LRRC43: variants seen among roughly 807,000 people sequenced by gnomAD.
The protein encoded by LRRC43 is leucine rich repeat containing 43, also known as leucine-rich repeat-containing protein 43.
A neutral mutation model predicts 64.3 loss-of-function variants in LRRC43; 62 were observed. The ratio of observed to expected loss-of-function variants is 0.96; its 90% CI spans 0.79 to 1.19. The LOEUF (loss-of-function observed/expected upper bound fraction) is 1.19. LRRC43 is among the 50% of genes most tolerant of loss of function. The pLI is 0.00. For missense variants in LRRC43, 868 were observed against 845.0 expected (o/e 1.03, Z -0.34); for synonymous variants, 422 against 382.3 (o/e 1.10, Z -1.21).
Position 122,187,689 on chromosome 12 carries a change from GTGGTC to G in LRRC43, c.523-10_523-6del. 6.2e-7 allele frequency: 1 copy of G among 1,612,708 alleles called. No individual in the cohort carries two copies. The highest frequency in any genetic ancestry group is 1.7e-4 in the Middle Eastern group (1 of 6,060). ...GGCCCCATCGTCCCGGGCCTTCCGT[GTGGTC>G]TCCCAGGTGCTGGAGCTCTACGGCA... On this transcript the variant is annotated splice_polypyrimidine_tract_variant and splice_region_variant and intron_variant, in intron 3 of 11. Coordinates refer to ENST00000339777, the MANE Select transcript of LRRC43 (RefSeq NM_001098519.2).
chr12:122,191,717 T>G, intron 6 of LRRC43, 150 bp downstream of exon 6: 1 of 606,014 alleles, frequency 1.7e-6, no homozygotes, highest in East Asian at 3.1e-5. Context: ...TGCGATGGCG[T>G]AATCTCAGCT....
chr12:122,203,177 T>C (rs1953863473), intron 11 of LRRC43, 138 bp from the exon 12 acceptor site: 1 of 742,146 alleles, frequency 1.3e-6, no homozygotes, highest in Non-Finnish European at 2.2e-6. Flanking sequence ...TATTTCTTAT[T>C]ACTGTTAACA....
At chr12:122,185,482 A>G (rs1490953940) in intron 2 of LRRC43, among the ~76,000 whole-genome samples, 1 of 152,172 alleles carries the variant, frequency 6.6e-6, no homozygotes, top group Non-Finnish European at 1.5e-5. Context: ...CAATCAATTA[A>G]GCAAGCAAGC....
In LRRC43 at chr12:122,200,204, C is replaced by T; in HGVS notation, c.1365C>T (p.Ser455=). ...LCPSPGTVLF[S]TAHKPWAEVI... ...CCTCCCCAAGGACTGTCCTCTTCAG[C>T]ACTGCCCACAAGCCCTGGGCTGAGG... is the stretch of plus-strand genomic sequence containing the variant. The change falls in exon 8 of 12, where the codon AGC becomes AGT. Residue 455 remains serine (S), a synonymous_variant. Coordinates refer to ENST00000339777, the MANE Select transcript of LRRC43 (RefSeq NM_001098519.2). This position sits in a 1 kb window ranked among gnomAD's most constrained non-coding sequence, Gnocchi z 4.6. 1.2e-6 allele frequency: 2 copies of T among 1,613,946 alleles called. No homozygotes were observed. The highest frequency in any genetic ancestry group is 1.7e-6 in the Non-Finnish European group (2 of 1,179,918).
At position 122,170,358 on chromosome 12, in the gene LRRC43, A is replaced by G. The variant is rs549584996; in HGVS notation, c.-406+2576A>G. On this transcript the variant is annotated intron_variant, in intron 1 of 5. Transcript: ENST00000537729. ...TTAAATGCCTGCTACGGGGCCGGGC[A>G]CGGTGGCTCACACCTGTAATCCCAG... Among the ~76,000 whole-genome samples the G allele has an allele frequency of 1.3e-4, 19 of 151,842 alleles. 1 individual carries two copies. The highest frequency in any genetic ancestry group is 6.3e-4 in the South Asian group (3 of 4,748).
At chr12:122,195,885 T>G (rs947157894) in intron 7 of LRRC43, among the ~76,000 whole-genome samples, 10 of 152,198 alleles carry the variant, frequency 6.6e-5, no homozygotes, top group African/African-American at 2.4e-4. Context: ...GTTCTTCTAG[T>G]AGCTCTTCAG....
upstream of LRRC43, among the ~76,000 whole-genome samples, chr12:122,181,217 CA>C (rs201007052): frequency 1.6e-3 from 212 of 131,934 alleles, no homozygotes; most frequent in Middle Eastern, 0.031. Context: ...GACCCTGCCT[CA>C]AAAAAAAAAA....
chr12:122,176,982 C>T (rs1022512816), intron 1 of LRRC43, among the ~76,000 whole-genome samples: 2 of 152,122 alleles, frequency 1.3e-5, no homozygotes, highest in Admixed American at 6.6e-5. Context: ...TTTTTCTTTA[C>T]TTCCCAAACT....
chr12:122,188,094 T>A (rs987820564), intron 4 of LRRC43, among the ~76,000 whole-genome samples: 24 of 152,172 alleles, frequency 1.6e-4, no homozygotes, highest in Non-Finnish European at 1.2e-4. Context: ...TTTAATTTTT[T>A]AATTTTTTTA....
At chr12:122,179,169 A>G (rs937961848), upstream of LRRC43, among the ~76,000 whole-genome samples, 2 of 152,106 alleles carry the variant, frequency 1.3e-5, no homozygotes, top group African/African-American at 4.8e-5. Context: ...ATCACAGCTC[A>G]CTGCAGCCTC....
upstream of LRRC43, among the ~76,000 whole-genome samples, chr12:122,180,562 C>T (rs1182693036): frequency 6.6e-6 from 1 of 151,966 alleles, no homozygotes; most frequent in African/African-American, 2.4e-5. Flanking sequence ...ACCACTGTGT[C>T]AAGAAGCTTG....
intron 2 of LRRC43, among the ~76,000 whole-genome samples, chr12:122,185,746 C>T (rs971270576): frequency 6.6e-5 from 10 of 152,148 alleles, no homozygotes; most frequent in East Asian, 1.9e-4. Context: ...AGCGAGGCCC[C>T]GCTGGGAAGG....
chr12:122,201,108 G>A (rs1049322575), intron 10 of LRRC43, among the ~76,000 whole-genome samples, 174 bp downstream of exon 10: 19 of 152,196 alleles, frequency 1.2e-4, no homozygotes, highest in African/African-American at 4.3e-4. Flanking sequence ...CACAGAGGGC[G>A]CCTCCGTGGA....
In LRRC43 at chr12:122,196,637, C is replaced by T. The variant is rs377705797; in HGVS notation, c.1350-3552C>T. 1.8e-3 allele frequency among the ~76,000 whole-genome samples: 274 copies of T among 152,100 alleles called. 2 individuals are homozygous for T. The highest frequency in any genetic ancestry group is 6.2e-3 in the African/African-American group (257 of 41,492). On this transcript the variant is annotated intron_variant, in intron 7 of 11. Coordinates refer to ENST00000339777, the MANE Select transcript of LRRC43 (RefSeq NM_001098519.2). ...ATAAAAAATTATCTGGGCATGGTGGCACATGCCTGTAATCCCAGCTACTCA... is the reference window on the plus strand; with the variant it reads ...ATAAAAAATTATCTGGGCATGGTGGTACATGCCTGTAATCCCAGCTACTCA...
rs552499946 is a variant in LRRC43, at chr12:122,184,219, C to T, written c.151-300C>T. Among the ~76,000 whole-genome samples, 2 of 151,980 alleles carry T rather than the reference C, an allele frequency of 1.3e-5. No homozygotes were observed. Among genetic ancestry groups the T allele is most frequent in the Non-Finnish European group, 2.9e-5 (2 of 68,004 alleles). The stretch of plus-strand genomic sequence containing the variant: ...AAACGATTCTCCTGCCTTAGCCTCC[C>T]GAGTAGCTGAGACTACAGTTGCGTG... On this transcript the variant is annotated intron_variant, in intron 1 of 11. Coordinates refer to ENST00000339777, the MANE Select transcript of LRRC43 (RefSeq NM_001098519.2). The surrounding 1 kb of genome is among the most constrained non-coding windows in gnomAD (Gnocchi z 4.0).
At chr12:122,187,896 G>T in intron 4 of LRRC43, 56 bp downstream of exon 4, 2 of 1,585,840 alleles carry the variant, frequency 1.3e-6, no homozygotes, top group East Asian at 2.3e-5. Context: ...TCAGGTTGGG[G>T]CGATTCTACC....
In LRRC43 at chr12:122,192,747, C is replaced by T. The variant is rs1593150973; in HGVS notation, c.1092C>T (p.Ile364=). The change falls in exon 7 of 12, where the codon ATC becomes ATT. Residue 364 remains isoleucine, a splice_region_variant and synonymous_variant. Transcript: ENST00000339777. ...MNESAGVLAE[I]VKPSPSLELL... is the part of the protein sequence containing the mutation. Reference sequence around the variant, plus strand: ...CGAGTTTCTGTCTCTTCCTGCAGATCGTCAAGCCCTCTCCCAGCTTAGAAT... The same window carrying T: ...CGAGTTTCTGTCTCTTCCTGCAGATTGTCAAGCCCTCTCCCAGCTTAGAAT... 1.9e-6 allele frequency: 3 copies of T among 1,612,092 alleles called. No individual in the cohort carries two copies. The highest frequency in any genetic ancestry group is 2.2e-5 in the East Asian group (1 of 44,830).
chr12:122,185,104 G>T (rs1317847360), intron 2 of LRRC43, among the ~76,000 whole-genome samples: 1 of 152,174 alleles, frequency 6.6e-6, no homozygotes, highest in African/African-American at 2.4e-5. Context: ...TAAACCGTGG[G>T]GGTCAGGGTA....
intron 2 of LRRC43, among the ~76,000 whole-genome samples, chr12:122,185,571 A>G (rs1222619728): frequency 6.6e-6 from 1 of 152,228 alleles, no homozygotes; most frequent in Non-Finnish European, 1.5e-5. Flanking sequence ...ACTTGGTCTC[A>G]GCCTTCCCAA....
Sources: allele counts gnomAD v4.1 joint callset (sites outside exome capture counted in the v4.1 genomes callset), GRCh38; gene constraint gnomAD v4.1.1; non-coding constraint Gnocchi (gnomAD v3.1); transcripts MANE v1.5; gene names NCBI Gene and HGNC (gene_info 2026-07-23, HGNC 2026-07-21).